PDSS2: variants seen among roughly 807,000 people sequenced by gnomAD.
PDSS2 encodes decaprenyl diphosphate synthase subunit 2.
PDSS2 carries 31 observed loss-of-function variants against 44.5 expected under a neutral mutation model. That is an observed-to-expected ratio of 0.70 (90% CI 0.52 to 0.94). PDSS2 has a LOEUF of 0.94. Among genes scored for constraint, PDSS2 ranks in the 40% least tolerant of loss-of-function variants. The pLI, the probability that PDSS2 is intolerant of heterozygous loss-of-function variation, is 0.00. For synonymous variants in PDSS2, 157 were observed against 180.3 expected (o/e 0.87, Z 1.03); for missense variants, 452 against 482.2 (o/e 0.94, Z 0.59).
intron 1 of PDSS2, among the ~76,000 whole-genome samples, chr6:107,423,877 T>C (rs1426084456): frequency 6.6e-6 from 1 of 152,090 alleles, no homozygotes; most frequent in African/African-American, 2.4e-5. Context: ...TTTCCATCTA[T>C]ACAATTCTAC....
At chr6:107,334,558 T>C (rs1562469008) in intron 1 of PDSS2, among the ~76,000 whole-genome samples, 1 of 150,700 alleles carries the variant, frequency 6.6e-6, no homozygotes, top group East Asian at 2.0e-4. Flanking sequence ...GTTGTTGTTT[T>C]TGAGACAGGG....
At chr6:107,219,486 T>C (rs1773529321) in intron 4 of PDSS2, among the ~76,000 whole-genome samples, 1 of 152,242 alleles carries the variant, frequency 6.6e-6, no homozygotes, top group South Asian at 2.1e-4. Context: ...CGATTTTCGC[T>C]ATGTTGGCCA....
At chr6:107,249,791 C>A (rs1774751585) in intron 3 of PDSS2, among the ~76,000 whole-genome samples, 1 of 152,156 alleles carries the variant, frequency 6.6e-6, no homozygotes, top group Non-Finnish European at 1.5e-5. Flanking sequence ...AGTAAATGGA[C>A]AGTGCATGTC....
chr6:107,291,618 G>C (rs1776352923), intron 2 of PDSS2, among the ~76,000 whole-genome samples: 1 of 149,922 alleles, frequency 6.7e-6, no homozygotes, highest in Non-Finnish European at 1.5e-5. Flanking sequence ...CTCCCACCTT[G>C]GCCTTCCAGA....
chr6:107,270,080 A>G (rs991655880), intron 3 of PDSS2, among the ~76,000 whole-genome samples: 4 of 152,130 alleles, frequency 2.6e-5, no homozygotes, highest in African/African-American at 9.7e-5. Context: ...CAAAGAGAAA[A>G]GGCACATACT....
chr6:107,349,892 C>T (rs796940886), intron 1 of PDSS2, among the ~76,000 whole-genome samples: 2 of 152,198 alleles, frequency 1.3e-5, no homozygotes, highest in East Asian at 3.8e-4. Flanking sequence ...CAATAATGTC[C>T]TTTATAACAA....
chr6:107,272,084 C>CAA (rs58296849), intron 3 of PDSS2, among the ~76,000 whole-genome samples: 85 of 128,934 alleles, frequency 6.6e-4, no homozygotes, highest in Admixed American at 1.8e-3. Flanking sequence ...AAAAAAGAAA[C>CAA]AAAAAAAAAA....
In PDSS2 at chr6:107,208,441, C is replaced by T. The variant is rs560808322; in HGVS notation, c.1008+1998G>A. On this transcript the variant is annotated intron_variant, in intron 6 of 7. Transcript: ENST00000369037. ...CCACCTGAGAAGCTGAGATTACAGG[C>T]GTGCACCACCACACCCAGCTACTTT... Among the ~76,000 whole-genome samples, 23 of 151,444 alleles carry T rather than the reference C, an allele frequency of 1.5e-4. No individual in the cohort carries two copies. In the South Asian group the frequency reaches 3.3e-3, roughly 22 times the overall value.
intron 7 of PDSS2, among the ~76,000 whole-genome samples, chr6:107,180,745 C>T (rs1384476240): frequency 1.3e-5 from 2 of 152,094 alleles, no homozygotes; most frequent in Non-Finnish European, 2.9e-5. Flanking sequence ...GTCAGTAATA[C>T]AAAATGGTAA....
intron 3 of PDSS2, among the ~76,000 whole-genome samples, chr6:107,259,887 A>T (rs1775156486): frequency 6.6e-6 from 1 of 152,188 alleles, no homozygotes; most frequent in Non-Finnish European, 1.5e-5. Flanking sequence ...TGTTATTAGT[A>T]AACAGTTACT....
intron 7 of PDSS2, among the ~76,000 whole-genome samples, chr6:107,176,883 C>T (rs1771808201): frequency 6.6e-6 from 1 of 151,512 alleles, no homozygotes; most frequent in Admixed American, 6.6e-5. Context: ...TAAAATTGAC[C>T]TAATTGTTGA....
intron 3 of PDSS2, among the ~76,000 whole-genome samples, chr6:107,265,556 G>C (rs1775386057): frequency 6.6e-6 from 1 of 152,152 alleles, no homozygotes; most frequent in African/African-American, 2.4e-5. Context: ...TATTTATGTT[G>C]CTATTGTTGA....
At chr6:107,205,119 TG>T (rs1245731421) in intron 6 of PDSS2, among the ~76,000 whole-genome samples, 2 of 152,254 alleles carry the variant, frequency 1.3e-5, no homozygotes, top group African/African-American at 4.8e-5. Context: ...AATAGGCATG[TG>T]TTATTTTCAC....
intron 2 of PDSS2, among the ~76,000 whole-genome samples, chr6:107,286,664 A>G (rs1189744338): frequency 6.6e-6 from 1 of 152,176 alleles, no homozygotes; most frequent in Non-Finnish European, 1.5e-5. Context: ...AACAATAGCA[A>G]CATGGGAAAA....
chr6:107,363,234 G>A (rs1032951328), intron 1 of PDSS2, among the ~76,000 whole-genome samples: 2 of 152,218 alleles, frequency 1.3e-5, no homozygotes, highest in African/African-American at 4.8e-5. Context: ...AGACACATCA[G>A]AGACAAACTG....
Position 107,210,529 on chromosome 6 carries a change from ACTGGT to A in PDSS2, c.913_917del (p.Thr305Ter). On this transcript the variant is annotated frameshift_variant, in exon 6 of 8. Coordinates refer to ENST00000369037, the MANE Select transcript of PDSS2 (RefSeq NM_020381.4). LOFTEE classifies it high-confidence loss of function. ...AGTTTAGATTAAAAGTCATGGAGTC[ACTGGT>A]CTTTTCTTTAATAAAAGGCTGGACA... is the stretch of plus-strand genomic sequence containing the variant. The A allele has an allele frequency of 6.2e-7, 1 of 1,602,806 alleles. No homozygotes were observed. Among genetic ancestry groups the A allele is most frequent in the Non-Finnish European group, 8.5e-7 (1 of 1,169,906 alleles).
At chr6:107,435,569 A>C (rs1196319757) in intron 1 of PDSS2, among the ~76,000 whole-genome samples, 3 of 152,194 alleles carry the variant, frequency 2.0e-5, no homozygotes, top group Admixed American at 2.0e-4. Flanking sequence ...GACATAGCCT[A>C]AAGTTAGAGA....
chr6:107,283,098 T>C (rs1656626052), intron 2 of PDSS2, among the ~76,000 whole-genome samples: 1 of 150,886 alleles, frequency 6.6e-6, no homozygotes, highest in Admixed American at 6.6e-5. Flanking sequence ...GCGGGGAGGA[T>C]TGCTTCGCCC....
rs535811519 is a variant in PDSS2, at chr6:107,448,620, T to C, written c.296+10370A>G. Among the ~76,000 whole-genome samples, 4 of 152,320 alleles carry C rather than the reference T, an allele frequency of 2.6e-5. No homozygotes were observed. In the East Asian group the frequency reaches 5.8e-4, roughly 22 times the overall value. ...TCCAAACTTTCCCACATCTTTCCCA[T>C]GTCTTCTTCTGAGCCCTCCCAACTG... On this transcript the variant is annotated intron_variant, in intron 1 of 7. Coordinates refer to ENST00000369037, the MANE Select transcript of PDSS2 (RefSeq NM_020381.4).
Sources: gnomAD v4.1 joint callset for allele counts (sites outside exome capture counted in the v4.1 genomes callset) on GRCh38, gnomAD v4.1.1 for gene constraint, MANE v1.5 for transcripts, NCBI Gene and HGNC (gene_info 2026-07-23, HGNC 2026-07-21) for gene names.